The following EED variants were observed in gnomAD, a reference collection of about 807,000 sequenced individuals.
EED encodes the protein polycomb protein EED.
EED carries 9 observed loss-of-function variants against 61.0 expected under a neutral mutation model. The observed-to-expected ratio is 0.15, with a 90% CI of 0.09 to 0.26. The LOEUF is 0.26. Ranked by LOEUF, EED falls within the 10% of genes least tolerant of loss-of-function variation. EED has a pLI of 1.00. For synonymous variants in EED, 187 were observed against 174.4 expected, an observed-to-expected ratio of 1.07 and a Z score of -0.57; for missense variants, 315 against 542.3, an observed-to-expected ratio of 0.58 and a Z score of 4.16.
At position 86,264,212 on chromosome 11, in the gene EED, G is replaced by A; in HGVS notation, c.675G>A (p.Leu225=). Residue 225 remains leucine (L), a synonymous_variant, in exon 7 of 12, where the codon CTG becomes CTA. Transcript: ENST00000263360. ...LRLWNIQTDT[L]VAIFGGVEGH... is the part of the protein sequence containing the mutation. The stretch of plus-strand genomic sequence containing the variant: ...TATGGAATATCCAGACGGACACTCT[G>A]GTGGCAATATTTGGAGGCGTAGAAG... 1 of 1,613,990 alleles carries A rather than the reference G, an allele frequency of 6.2e-7. No individual in the cohort carries two copies. Among genetic ancestry groups the A allele is most frequent in the East Asian group, 2.2e-5 (1 of 44,872 alleles).
chr11:86,270,350 G>C (rs1593762101), intron 9 of EED, among the ~76,000 whole-genome samples: 1 of 83,078 alleles, frequency 1.2e-5, no homozygotes, highest in Non-Finnish European at 2.2e-5. Context: ...TTGGTTTTTT[G>C]TTGTGTTTTT....
At chr11:86,260,917 C>CT (rs142808671) in intron 6 of EED, among the ~76,000 whole-genome samples, 112 of 143,432 alleles carry the variant, frequency 7.8e-4, no homozygotes, top group South Asian at 1.8e-3. Flanking sequence ...AACTTGAAGC[C>CT]TTTTTTTTTT....
chr11:86,249,930 C>A (rs377449237), intron 1 of EED, among the ~76,000 whole-genome samples: 2 of 152,118 alleles, frequency 1.3e-5, no homozygotes, highest in African/African-American at 4.8e-5. Flanking sequence ...GATGGAATTA[C>A]CAGCCAAGAG....
rs368950576 is a variant in EED, at chr11:86,245,367, C to G, written c.114+24C>G. 2.3e-5 allele frequency: 36 copies of G among 1,577,602 alleles called. No homozygotes were observed. The African/African-American group carries it at 2.9e-4, about 13-fold the overall frequency. On this transcript the variant is annotated intron_variant, in intron 1 of 11. Transcript: ENST00000263360. The stretch of plus-strand genomic sequence containing the variant: ...ATGTAAGTGCAGCTTCTGGCAGTTA[C>G]GAGACTGCGGAGTGAAAGTTTTAAA...
At position 86,266,066 on chromosome 11, in the gene EED, T is replaced by C. The variant is rs1945968686; in HGVS notation, c.727-17T>C. On this transcript the variant is annotated splice_polypyrimidine_tract_variant and intron_variant, in intron 7 of 11. Coordinates refer to ENST00000263360, the MANE Select transcript of EED (RefSeq NM_003797.5). ...TGGAGCTGTAATTTATATAAAACTTTTTGGTTTTGCATACAGGATTATGAT... is the reference window on the plus strand; with the variant it reads ...TGGAGCTGTAATTTATATAAAACTTCTTGGTTTTGCATACAGGATTATGAT... 1.3e-5 allele frequency: 21 copies of C among 1,564,056 alleles called. No individual in the cohort carries two copies. The highest frequency in any genetic ancestry group is 1.7e-5 in the Non-Finnish European group (20 of 1,158,790).
At position 86,254,072 on chromosome 11, in the gene EED, A is replaced by AAAAG. The variant is rs1405739233; in HGVS notation, c.361-1146_361-1143dup. Among the ~76,000 whole-genome samples the AAAAG allele has an allele frequency of 2.0e-5, 3 of 150,232 alleles. 1 individual carries two copies. The highest frequency in any genetic ancestry group is 4.4e-5 in the Non-Finnish European group (3 of 67,416). On this transcript the variant is annotated intron_variant, in intron 3 of 11. Transcript: ENST00000263360. The stretch of plus-strand genomic sequence containing the variant: ...TCAAAAAAAAAAAAAAAAAAAAAAA[A>AAAAG]AAAGAAAATGGAAAGAAATTTATAA...
intron 6 of EED, among the ~76,000 whole-genome samples, chr11:86,262,332 C>T (rs1477807512): frequency 6.6e-6 from 1 of 152,240 alleles, no homozygotes; most frequent in African/African-American, 2.4e-5. Context: ...TGCTTTGATG[C>T]TCAGATATTT....
intron 6 of EED, 96 bp downstream of exon 6, chr11:86,257,692 T>C: frequency 1.0e-6 from 1 of 974,264 alleles, no homozygotes; most frequent in Non-Finnish European, 1.5e-6. Context: ...GGAAAAACCA[T>C]GAGAAGAGAG....
At chr11:86,275,001 G>A (rs903280811) in intron 9 of EED, among the ~76,000 whole-genome samples, 3 of 152,032 alleles carry the variant, frequency 2.0e-5, no homozygotes, top group African/African-American at 4.8e-5. Flanking sequence ...ACTTTTTTTG[G>A]TTCATTGGCT....
chr11:86,251,202 A>AT lies in EED; in HGVS notation c.267+755dup, dbSNP rs1212275026. On this transcript the variant is annotated intron_variant, in intron 2 of 11. Coordinates refer to ENST00000263360, the MANE Select transcript of EED (RefSeq NM_003797.5). ...TGGGAAAGCATAAGAAGCTATGACT[A>AT]TGACATTTTTCTGTCTGTGTAGCAA... Among the ~76,000 whole-genome samples, 3 of 152,194 alleles carry AT rather than the reference A, an allele frequency of 2.0e-5. No homozygotes were observed. The South Asian group carries it at 6.2e-4, about 31-fold the overall frequency.
chr11:86,259,008 A>G lies in EED; in HGVS notation c.634+1412A>G, dbSNP rs1199222263. On this transcript the variant is annotated intron_variant, in intron 6 of 11. Coordinates refer to ENST00000263360, the MANE Select transcript of EED (RefSeq NM_003797.5). ...GACCCTCCCGAGTAGCTGGGATTAC[A>G]GGCGCCCTCCACCATGCCTGGCTAA... 2.6e-5 allele frequency among the ~76,000 whole-genome samples: 4 copies of G among 151,822 alleles called. No homozygotes were observed. The East Asian group carries it at 5.8e-4, about 22-fold the overall frequency.
chr11:86,253,435 G>T (rs1203373407), intron 3 of EED, among the ~76,000 whole-genome samples: 1 of 152,176 alleles, frequency 6.6e-6, no homozygotes, highest in Non-Finnish European at 1.5e-5. Context: ...GTGCTCCAGT[G>T]TGCTGATTGC....
chr11:86,272,291 C>T (rs761063637), intron 9 of EED, among the ~76,000 whole-genome samples: 43 of 151,330 alleles, frequency 2.8e-4, no homozygotes, highest in Admixed American at 1.6e-3. Flanking sequence ...ATCTCCTGAC[C>T]TGGTGATCCA....
downstream of EED, among the ~76,000 whole-genome samples, chr11:86,283,373 C>T (rs761824945): frequency 1.3e-5 from 2 of 152,180 alleles, no homozygotes; most frequent in African/African-American, 2.4e-5. Flanking sequence ...ACTCTCCTTC[C>T]TCTCTGTACT....
At chr11:86,254,347 GTCTC>G (rs1035223891) in intron 3 of EED, among the ~76,000 whole-genome samples, 21 of 146,206 alleles carry the variant, frequency 1.4e-4, no homozygotes, top group Non-Finnish European at 2.5e-4. Context: ...TTGAGACTGA[GTCTC>G]TCTCTGTTGC....
In EED at chr11:86,250,336, G is replaced by A. The variant is rs1306469162; in HGVS notation, c.155G>A (p.Arg52His). The change falls in exon 2 of 12, where the codon CGC (arginine) becomes CAC (histidine). Residue 52 changes from arginine to histidine, a missense_variant. Physicochemically the swap from Arg to His is conservative, Grantham distance 29 (BLOSUM62 0). Around this residue, in one of 2 missense-constraint regions of EED, gnomAD observed 110 missense variants for 86.9 expected, o/e 1.27. Coordinates refer to ENST00000263360, the MANE Select transcript of EED (RefSeq NM_003797.5). ...VSIESGTNTE[R>H]PDTPTNTPNA... is the part of the protein sequence containing the mutation. Reference sequence around the variant, plus strand: ...ATAGAAAGTGGTACAAACACTGAACGCCCTGATACACCTACAAACACGCCA... The same window carrying A: ...ATAGAAAGTGGTACAAACACTGAACACCCTGATACACCTACAAACACGCCA... 1.2e-6 allele frequency: 2 copies of A among 1,602,744 alleles called. No individual in the cohort carries two copies. Among genetic ancestry groups the A allele is most frequent in the Non-Finnish European group, 1.7e-6 (2 of 1,175,484 alleles).
intron 8 of EED, among the ~76,000 whole-genome samples, chr11:86,267,537 A>C (rs1306614384): frequency 1.3e-5 from 2 of 152,222 alleles, no homozygotes; most frequent in African/African-American, 4.8e-5. Context: ...TAATGAAAAC[A>C]GTGTTGCCAT....
At chr11:86,253,262 CA>C (rs1945581948) in intron 3 of EED, among the ~76,000 whole-genome samples, 1 of 152,132 alleles carries the variant, frequency 6.6e-6, no homozygotes, top group African/African-American at 2.4e-5. Flanking sequence ...TCTTTGAAAA[CA>C]ACAATTCAGA....
intron 6 of EED, among the ~76,000 whole-genome samples, chr11:86,260,128 C>T (rs1945789279): frequency 6.6e-6 from 1 of 152,156 alleles, no homozygotes; most frequent in Non-Finnish European, 1.5e-5. Context: ...TGTATTACTA[C>T]CTCTGGGGTG....
Sources: allele counts gnomAD v4.1 joint callset (sites outside exome capture counted in the v4.1 genomes callset), GRCh38; gene constraint gnomAD v4.1.1; regional missense constraint gnomAD v4.1.1; transcripts MANE v1.5; gene names NCBI Gene and HGNC (gene_info 2026-07-23, HGNC 2026-07-21).